Variants in RBMS3 observed in about 807,000 individuals in gnomAD.
RBMS3 encodes the protein RNA-binding motif, single-stranded-interacting protein 3.
Under a neutral mutation model 66.8 loss-of-function variants are expected in RBMS3, and 27 were observed. The ratio of observed to expected loss-of-function variants is 0.40; its 90% confidence interval spans 0.30 to 0.56. The LOEUF (loss-of-function observed/expected upper bound fraction) is 0.56. RBMS3 is among the 20% of genes least tolerant of loss of function. RBMS3 has a pLI of 0.40. For synonymous variants in RBMS3, 188 were observed against 183.0 expected, an observed-to-expected ratio of 1.03 and a Z score of -0.22; for missense variants, 513 against 549.5, an observed-to-expected ratio of 0.93 and a Z score of 0.66.
At chr3:29,374,202 G>T (rs1313664109) in intron 1 of RBMS3, among the ~76,000 whole-genome samples, 1 of 152,172 alleles carries the variant, frequency 6.6e-6, no homozygotes, top group Non-Finnish European at 1.5e-5. Flanking sequence ...TGTGAAGATG[G>T]ATCATTCACA....
intron 4 of RBMS3, among the ~76,000 whole-genome samples, chr3:29,710,457 C>T (rs2053114169): frequency 6.6e-6 from 1 of 152,168 alleles, no homozygotes; most frequent in East Asian, 1.9e-4. Flanking sequence ...CCTGTGAGAG[C>T]TAAGGCTTGA....
At chr3:29,378,804 A>T (rs764343319) in intron 1 of RBMS3, among the ~76,000 whole-genome samples, 28 of 152,106 alleles carry the variant, frequency 1.8e-4, no homozygotes, top group Non-Finnish European at 2.2e-4. Flanking sequence ...TTTTCCAGTG[A>T]TCATTCCTAA....
intron 1 of RBMS3, among the ~76,000 whole-genome samples, chr3:29,319,468 C>T (rs187950718): frequency 1.1e-4 from 16 of 151,976 alleles, no homozygotes; most frequent in African/African-American, 3.9e-4. Context: ...ACTGGTTTGA[C>T]TGTATAGAAA....
intron 1 of RBMS3, among the ~76,000 whole-genome samples, chr3:29,369,687 T>C (rs1486499742): frequency 8.4e-6 from 1 of 118,522 alleles, no homozygotes; most frequent in African/African-American, 3.1e-5. Context: ...TGATTCAGAG[T>C]CTAGAGCTAA....
At chr3:29,709,047 C>G (rs1028987148) in intron 4 of RBMS3, among the ~76,000 whole-genome samples, 12 of 152,176 alleles carry the variant, frequency 7.9e-5, no homozygotes, top group Non-Finnish European at 1.5e-5. Flanking sequence ...CCACTGGGGC[C>G]TGCTGAAGTC....
intron 4 of RBMS3, among the ~76,000 whole-genome samples, chr3:29,594,640 AG>A (rs1377740117): frequency 1.3e-5 from 2 of 152,300 alleles, no homozygotes; most frequent in East Asian, 3.9e-4. Flanking sequence ...TTTCTGTAAA[AG>A]AAATACTTAC....
intron 4 of RBMS3, among the ~76,000 whole-genome samples, chr3:29,669,252 A>G (rs762759637): frequency 6.6e-6 from 1 of 152,108 alleles, no homozygotes; most frequent in Non-Finnish European, 1.5e-5. Flanking sequence ...TTACGGCTTT[A>G]CCTCACCTAC....
chr3:29,814,192 G>C (rs895726591), intron 6 of RBMS3, among the ~76,000 whole-genome samples: 6 of 151,100 alleles, frequency 4.0e-5, no homozygotes, highest in African/African-American at 1.2e-4. Flanking sequence ...TAGCATGAAG[G>C]GCTGTTGAAT....
chr3:29,639,967 T>C (rs1175527747), intron 4 of RBMS3, among the ~76,000 whole-genome samples: 1 of 151,858 alleles, frequency 6.6e-6, no homozygotes, highest in Non-Finnish European at 1.5e-5. Context: ...CATAAACTTT[T>C]TGCTATAATG....
chr3:29,331,672 A>T lies in RBMS3; in HGVS notation c.75+49916A>T, dbSNP rs150237581. Among the ~76,000 whole-genome samples, 251 of 152,134 alleles carry T rather than the reference A, an allele frequency of 1.6e-3. 1 individual carries two copies. The highest frequency in any genetic ancestry group is 5.8e-3 in the African/African-American group (241 of 41,506). On this transcript the variant is annotated intron_variant, in intron 1 of 14. Coordinates refer to ENST00000383767, the MANE Select transcript of RBMS3 (RefSeq NM_001003793.3). ...GCCTCGCGTGGCTGACCAGATTTCT[A>T]TGACTGTTTTTCTCTCATGGTACAC...
intron 4 of RBMS3, among the ~76,000 whole-genome samples, chr3:29,599,228 A>G (rs1460182928): frequency 6.6e-6 from 1 of 151,500 alleles, no homozygotes; most frequent in African/African-American, 2.4e-5. Context: ...ACTTTATTAT[A>G]CATTTTAAAA....
At chr3:29,331,309 C>A (rs1255910322) in intron 1 of RBMS3, among the ~76,000 whole-genome samples, 2 of 152,074 alleles carry the variant, frequency 1.3e-5, no homozygotes, top group Non-Finnish European at 2.9e-5. Flanking sequence ...ACCTGAGGTA[C>A]CTGGGAGTTC....
intron 2 of RBMS3, among the ~76,000 whole-genome samples, chr3:29,470,117 ACAAG>A (rs1223427428): frequency 2.0e-5 from 3 of 150,640 alleles, no homozygotes; most frequent in Admixed American, 6.6e-5. Context: ...ACACAAATAA[ACAAG>A]GTAGTATTTG....
intron 12 of RBMS3, among the ~76,000 whole-genome samples, chr3:29,974,893 C>T (rs1349052408): frequency 1.2e-4 from 16 of 136,956 alleles, no homozygotes; most frequent in South Asian, 4.4e-4. Context: ...ATATAAAATA[C>T]GTTTCTATAT....
At chr3:29,913,334 A>G (rs2060563938) in intron 10 of RBMS3, among the ~76,000 whole-genome samples, 1 of 152,024 alleles carries the variant, frequency 6.6e-6, no homozygotes, top group South Asian at 2.1e-4. Context: ...AAATGACAGA[A>G]AAACTATATC....
At chr3:29,428,785 T>C (rs1439597888) in intron 1 of RBMS3, among the ~76,000 whole-genome samples, 1 of 152,226 alleles carries the variant, frequency 6.6e-6, no homozygotes, top group African/African-American at 2.4e-5. Flanking sequence ...ACCATGAATC[T>C]TGACAAATGA....
At chr3:29,540,696 A>T (rs1346941119) in intron 3 of RBMS3, among the ~76,000 whole-genome samples, 1 of 152,192 alleles carries the variant, frequency 6.6e-6, no homozygotes, top group Admixed American at 6.5e-5. Flanking sequence ...TTAGCTTAGT[A>T]GATGTGTGAG....
rs560726006 is a variant in RBMS3 at position 29,994,187 on chromosome 3, G to A, written c.1307+2978G>A. On this transcript the variant is annotated intron_variant, in intron 14 of 14. Coordinates refer to ENST00000383767, the MANE Select transcript of RBMS3 (RefSeq NM_001003793.3). The stretch of plus-strand genomic sequence containing the variant: ...GGTGACGGACGGCACCTGGAAAATC[G>A]GGTCACTCCCACCCAAATACTGCAC... Among the ~76,000 whole-genome samples the A allele has an allele frequency of 2.1e-3, 325 of 152,256 alleles. 1 individual carries two copies. Among genetic ancestry groups the A allele is most frequent in the Non-Finnish European group, 3.2e-3 (219 of 68,020 alleles).
chr3:29,578,276 T>A (rs1418737699), intron 3 of RBMS3, among the ~76,000 whole-genome samples: 1 of 152,194 alleles, frequency 6.6e-6, no homozygotes, highest in Non-Finnish European at 1.5e-5. Flanking sequence ...TAAGGGAAAT[T>A]ACGTTTTACT....
Sources: allele counts gnomAD v4.1 joint callset (sites outside exome capture counted in the v4.1 genomes callset), GRCh38; gene constraint gnomAD v4.1.1; transcripts MANE v1.5; gene names NCBI Gene and HGNC (gene_info 2026-07-23, HGNC 2026-07-21).